The following ARHGAP42 variants were observed in gnomAD, a reference collection of about 807,000 sequenced individuals.
ARHGAP42 encodes the protein rho GTPase-activating protein 42.
ARHGAP42 carries 63 observed loss-of-function variants against 125.0 expected under a neutral mutation model. That is an observed-to-expected ratio of 0.50 (90% confidence interval 0.41 to 0.62). The LOEUF (loss-of-function observed/expected upper bound fraction) is 0.62. ARHGAP42 is among the 20% of genes least tolerant of loss of function. The pLI, the probability that ARHGAP42 is intolerant of heterozygous loss-of-function variation, is 0.00. For synonymous variants in ARHGAP42, 339 were observed against 351.0 expected (o/e 0.97, Z 0.38); for missense variants, 766 against 1,024.2 (o/e 0.75, Z 3.44).
Position 100,943,839 on chromosome 11 carries a change from A to G in ARHGAP42, c.1014A>G (p.Arg338=), listed in dbSNP as rs543146. 0.3 allele frequency: 466,167 copies of G among 1,546,690 alleles called. 81,100 individuals are homozygous for G. The highest frequency in any genetic ancestry group is 0.78 in the East Asian group (31,639 of 40,738). The change falls in exon 10 of 24, where the codon CGA becomes CGG. Residue 338 remains arginine (R), a synonymous_variant. Coordinates refer to ENST00000298815, the MANE Select transcript of ARHGAP42 (RefSeq NM_152432.4). ...IRRKTDSIDK[R]FCFDIEVVER... ...GAAAGACAGATTCAATTGACAAACG[A>G]TTCTGCTTTGACATAGAAGTAGTTG...
At chr11:100,837,690 T>TA (rs1864838356) in intron 3 of ARHGAP42, among the ~76,000 whole-genome samples, 4 of 142,152 alleles carry the variant, frequency 2.8e-5, no homozygotes, top group South Asian at 2.3e-4. Context: ...TTTTTTTTTT[T>TA]TTTTTTTAGT....
Position 100,769,828 on chromosome 11 carries a change from G to T in ARHGAP42, c.155-515G>T, listed in dbSNP as rs748313316. Among the ~76,000 whole-genome samples, 13 of 150,826 alleles carry T rather than the reference G, an allele frequency of 8.6e-5. No homozygotes were observed. In the East Asian group the frequency reaches 9.7e-4, roughly 11 times the overall value. On this transcript the variant is annotated intron_variant, in intron 1 of 23. Coordinates refer to ENST00000298815, the MANE Select transcript of ARHGAP42 (RefSeq NM_152432.4). ...CATACACTGGGGCCTGTTTGGCCAG[G>T]GGGAGGTGTAGGGGGATGGAGAGCA...
intron 3 of ARHGAP42, among the ~76,000 whole-genome samples, chr11:100,847,328 C>T (rs182809990): frequency 1.8e-3 from 271 of 152,260 alleles, no homozygotes; most frequent in African/African-American, 6.2e-3. Context: ...CAGGCTCATT[C>T]TCAAGGTGTG....
chr11:100,727,530 C>T (rs1281903610), intron 1 of ARHGAP42, among the ~76,000 whole-genome samples: 1 of 152,174 alleles, frequency 6.6e-6, no homozygotes, highest in Non-Finnish European at 1.5e-5. Context: ...AGCTCCACCC[C>T]CACCCTCTGG....
At chr11:100,832,993 G>C (rs562023216) in intron 3 of ARHGAP42, among the ~76,000 whole-genome samples, 4 of 152,344 alleles carry the variant, frequency 2.6e-5, no homozygotes, top group African/African-American at 9.6e-5. Context: ...CAGGCGACTA[G>C]AATGTGGGTT....
intron 1 of ARHGAP42, among the ~76,000 whole-genome samples, chr11:100,743,229 C>T (rs1862225651): frequency 6.6e-6 from 1 of 152,160 alleles, no homozygotes; most frequent in South Asian, 2.1e-4. Context: ...GGATTTAGAA[C>T]TCCTTTTAGC....
chr11:100,711,622 T>C (rs1861567086), intron 1 of ARHGAP42, among the ~76,000 whole-genome samples: 1 of 152,230 alleles, frequency 6.6e-6, no homozygotes. Context: ...CCTCCCAAAT[T>C]GTTGGGATTA....
intron 8 of ARHGAP42, among the ~76,000 whole-genome samples, chr11:100,937,519 TGTGACA>T (rs1867767968): frequency 6.6e-6 from 1 of 152,210 alleles, no homozygotes; most frequent in Non-Finnish European, 1.5e-5. Context: ...AGAGCCTTCA[TGTGACA>T]GTACATTGAG....
intron 7 of ARHGAP42, 100 bp downstream of exon 7, chr11:100,933,360 C>T: frequency 1.4e-6 from 1 of 739,218 alleles, no homozygotes; most frequent in Non-Finnish European, 2.1e-6. Context: ...GTGGAAAATA[C>T]AACCCACAAA....
At chr11:100,689,876 G>A (rs890078575) in intron 1 of ARHGAP42, among the ~76,000 whole-genome samples, 2 of 152,174 alleles carry the variant, frequency 1.3e-5, no homozygotes, top group African/African-American at 4.8e-5. Flanking sequence ...TCACACTGTA[G>A]CACTGATTTT....
intron 22 of ARHGAP42, among the ~76,000 whole-genome samples, chr11:100,982,146 C>T (rs553726257): frequency 3.3e-5 from 5 of 152,220 alleles, no homozygotes; most frequent in South Asian, 2.1e-4. Context: ...TTTTATTTAA[C>T]GTTCAGACAG....
At chr11:100,697,271 C>T (rs1381310009) in intron 1 of ARHGAP42, among the ~76,000 whole-genome samples, 1 of 152,144 alleles carries the variant, frequency 6.6e-6, no homozygotes, top group Non-Finnish European at 1.5e-5. Flanking sequence ...CAAGCTCCGC[C>T]TCCCAGGTTC....
intron 4 of ARHGAP42, among the ~76,000 whole-genome samples, chr11:100,878,120 C>T (rs1290481365): frequency 6.6e-6 from 1 of 150,618 alleles, no homozygotes; most frequent in Non-Finnish European, 1.5e-5. Flanking sequence ...ATTTCCTATT[C>T]CTTCTATTTC....
At chr11:100,834,089 A>G (rs186676753) in intron 3 of ARHGAP42, among the ~76,000 whole-genome samples, 2 of 152,262 alleles carry the variant, frequency 1.3e-5, no homozygotes, top group Non-Finnish European at 1.5e-5. Context: ...AGCACTTCAC[A>G]TATGTAAACC....
chr11:100,812,156 T>G (rs540198069), intron 3 of ARHGAP42, among the ~76,000 whole-genome samples: 1 of 152,258 alleles, frequency 6.6e-6, no homozygotes, highest in Non-Finnish European at 1.5e-5. Context: ...ACATTAATAA[T>G]AGGTTCAGCC....
chr11:100,858,162 TAG>T (rs984930607), intron 3 of ARHGAP42, among the ~76,000 whole-genome samples: 13 of 149,390 alleles, frequency 8.7e-5, no homozygotes, highest in Non-Finnish European at 1.8e-4. Context: ...ATAGAGGTTT[TAG>T]AGAGAGAATT....
intron 1 of ARHGAP42, among the ~76,000 whole-genome samples, chr11:100,757,015 TA>T (rs2120354171): frequency 6.6e-6 from 1 of 152,346 alleles, no homozygotes; most frequent in Non-Finnish European, 1.5e-5. Flanking sequence ...ATATCTTCTT[TA>T]AAGACATTTA....
At chr11:100,876,503 T>C (rs1343647571) in intron 4 of ARHGAP42, among the ~76,000 whole-genome samples, 1 of 152,248 alleles carries the variant, frequency 6.6e-6, no homozygotes, top group Non-Finnish European at 1.5e-5. Context: ...ACATTTGTTA[T>C]TTTAAGTAAG....
At chr11:100,903,838 G>A (rs1270988143) in intron 4 of ARHGAP42, among the ~76,000 whole-genome samples, 1 of 149,496 alleles carries the variant, frequency 6.7e-6, no homozygotes, top group African/African-American at 2.5e-5. Flanking sequence ...GAGGAGCAAG[G>A]AGAGCCAGCC....
Sources: allele counts gnomAD v4.1 joint callset (sites outside exome capture counted in the v4.1 genomes callset), GRCh38; gene constraint gnomAD v4.1.1; transcripts MANE v1.5; gene names NCBI Gene and HGNC (gene_info 2026-07-23, HGNC 2026-07-21).